The following RNASE10 variants were observed in gnomAD, a reference collection of about 807,000 sequenced individuals.
RNASE10 encodes the protein inactive ribonuclease-like protein 10.
RNASE10 carries 2 observed loss-of-function variants against 1.1 expected under a neutral mutation model. The observed-to-expected ratio is 1.82, with a 90% CI of 0.74 to 5.73. The LOEUF is 5.73. Among genes scored for constraint, RNASE10 ranks in the 30% most tolerant of loss-of-function variants. The pLI is 0.05. For synonymous variants in RNASE10, 97 were observed against 96.2 expected (o/e 1.01, Z -0.05); for missense variants, 276 against 263.4 (o/e 1.05, Z -0.33).
chr14:20,508,918 C>T (rs1882824554), intron 1 of RNASE10, among the ~76,000 whole-genome samples: 1 of 152,110 alleles, frequency 6.6e-6, no homozygotes, highest in Admixed American at 6.5e-5. Context: ...CCATAATACT[C>T]TTATCTACTA....
At chr14:20,506,918 C>T (rs1882748292) in intron 1 of RNASE10, among the ~76,000 whole-genome samples, 3 of 134,272 alleles carry the variant, frequency 2.2e-5, no homozygotes, top group Admixed American at 7.4e-5. Flanking sequence ...GCCTGGCCAG[C>T]CGCCCCGTCC....
At chr14:20,506,325 C>A (rs1157986962) in intron 1 of RNASE10, among the ~76,000 whole-genome samples, 1 of 123,550 alleles carries the variant, frequency 8.1e-6, no homozygotes, top group Non-Finnish European at 1.7e-5. Flanking sequence ...GGGGGTCAGC[C>A]CCCCGCCCGG....
At chr14:20,505,461 G>T (rs200189708), upstream of RNASE10, 2 of 71,830 alleles carry the variant, frequency 2.8e-5, 1 homozygote, top group East Asian at 5.6e-4. Flanking sequence ...TTGCAGGCGC[G>T]CGCCACCACG....
chr14:20,507,724 C>A (rs1022404266), intron 1 of RNASE10, among the ~76,000 whole-genome samples: 3 of 116,462 alleles, frequency 2.6e-5, no homozygotes, highest in African/African-American at 1.1e-4. Context: ...TTTAAACTTC[C>A]CTTATTTATT....
chr14:20,505,875 C>T (rs1378341438), exon 1 of RNASE10: 1 of 92,084 alleles, frequency 1.1e-5, no homozygotes, highest in Non-Finnish European at 2.0e-5. Context: ...CGAGGAGCGC[C>T]TCTTCCCCGC....
intron 1 of RNASE10, among the ~76,000 whole-genome samples, chr14:20,506,470 C>A (rs1396478923): frequency 7.5e-6 from 1 of 132,978 alleles, no homozygotes. Flanking sequence ...CGGCCAGCCG[C>A]CCCGTCCGGG....
chr14:20,511,228 T>C, downstream of RNASE10: 1 of 969,398 alleles, frequency 1.0e-6, no homozygotes. Flanking sequence ...GCAGATGGAA[T>C]TCTTCCTTGC....
upstream of RNASE10, among the ~76,000 whole-genome samples, chr14:20,505,134 A>G (rs1007626602): frequency 1.3e-5 from 2 of 151,784 alleles, no homozygotes; most frequent in Non-Finnish European, 2.9e-5. Context: ...AGGGTAGGAC[A>G]AAGAAAGAGC....
downstream of RNASE10, among the ~76,000 whole-genome samples, chr14:20,513,847 A>T (rs1286686140): frequency 6.6e-6 from 1 of 152,224 alleles, no homozygotes; most frequent in Non-Finnish European, 1.5e-5. Context: ...ATACTATTTA[A>T]TTAGCCTTAA....
intron 1 of RNASE10, among the ~76,000 whole-genome samples, 166 bp downstream of exon 1, chr14:20,506,185 G>GGT (rs1382373128): frequency 7.1e-6 from 1 of 140,074 alleles, no homozygotes; most frequent in African/African-American, 2.6e-5. Flanking sequence ...AGGGAGGTGG[G>GGT]GGGGGGTCAG....
chr14:20,511,704 G>A (rs1022162485), downstream of RNASE10, among the ~76,000 whole-genome samples: 1 of 152,136 alleles, frequency 6.6e-6, no homozygotes, highest in African/African-American at 2.4e-5. Context: ...AGATGGGCTG[G>A]AGCAAGAATA....
At chr14:20,507,897 G>C (rs1882792615) in intron 1 of RNASE10, among the ~76,000 whole-genome samples, 1 of 151,800 alleles carries the variant, frequency 6.6e-6, no homozygotes, top group Non-Finnish European at 1.5e-5. Context: ...GAAGACACAC[G>C]CCACCAAGCC....
chr14:20,505,219 A>C (rs905963552), upstream of RNASE10, among the ~76,000 whole-genome samples: 1 of 143,022 alleles, frequency 7.0e-6, no homozygotes, highest in East Asian at 2.1e-4. Context: ...AGAAACCCCA[A>C]AAGAATATAT....
chr14:20,513,865 G>A (rs1440669672), downstream of RNASE10, among the ~76,000 whole-genome samples: 3 of 152,202 alleles, frequency 2.0e-5, no homozygotes, highest in African/African-American at 4.8e-5. Flanking sequence ...TAATTAATTT[G>A]AGTATACTGG....
upstream of RNASE10, among the ~76,000 whole-genome samples, chr14:20,505,124 AG>A: frequency 6.6e-6 from 1 of 151,988 alleles, no homozygotes; most frequent in South Asian, 2.1e-4. Context: ...CCAATGCTGT[AG>A]GGTAGGACAA....
chr14:20,512,796 G>A (rs532995717), downstream of RNASE10, among the ~76,000 whole-genome samples: 2 of 152,312 alleles, frequency 1.3e-5, no homozygotes, highest in African/African-American at 2.4e-5. Context: ...AGTGGTGAAA[G>A]GTGATGACCC....
At chr14:20,506,257 A>C (rs1882711440) in intron 1 of RNASE10, among the ~76,000 whole-genome samples, 3 of 105,370 alleles carry the variant, frequency 2.8e-5, no homozygotes, top group East Asian at 3.0e-4. Context: ...GGCCGCCCCT[A>C]CTGGGAAGTG....
downstream of RNASE10, chr14:20,511,306 A>C: frequency 2.1e-6 from 1 of 473,334 alleles, no homozygotes; most frequent in Non-Finnish European, 3.6e-6. Context: ...GATGATGCCT[A>C]GTTTCTCTAA....
At chr14:20,505,071 C>T (rs910952454), upstream of RNASE10, among the ~76,000 whole-genome samples, 2 of 151,890 alleles carry the variant, frequency 1.3e-5, no homozygotes, top group Non-Finnish European at 2.9e-5. Context: ...CCTGAAAGTG[C>T]CTTGATCTGC....
Sources: allele counts gnomAD v4.1 joint callset (sites outside exome capture counted in the v4.1 genomes callset), GRCh38; gene constraint gnomAD v4.1.1; transcripts MANE v1.5; gene names NCBI Gene and HGNC (gene_info 2026-07-23, HGNC 2026-07-21).